Variants in SLC35F6 observed in about 807,000 individuals in gnomAD.
SLC35F6 encodes solute carrier family 35 member F6, also known as ANT2-binding protein.
Under a neutral mutation model 29.4 loss-of-function variants are expected in SLC35F6, and 26 were observed. The observed-to-expected ratio is 0.89, with a 90% CI of 0.65 to 1.23. The LOEUF is 1.23. SLC35F6 is among the 50% of genes most tolerant of loss of function. SLC35F6 has a pLI of 0.00. For synonymous variants in SLC35F6, 174 were observed against 206.6 expected (o/e 0.84, Z 1.35); for missense variants, 428 against 487.8 (o/e 0.88, Z 1.15).
rs774387686 is a variant in SLC35F6 at position 26,775,513 on chromosome 2, G to C, written c.372G>C (p.Val124=). 1.9e-6 allele frequency: 3 copies of C among 1,612,200 alleles called. No individual in the cohort carries two copies. Among genetic ancestry groups the C allele is most frequent in the African/African-American group, 2.7e-5 (2 of 74,884 alleles). ...GCTTCCAGATGCTGCGGGGTGCAGT[G>C]ATCATATTCACTGGCCTGTTCTCGG... The part of the protein sequence containing the change: ...ASSFQMLRGA[V]IIFTGLFSVA... Residue 124 remains valine, a synonymous_variant, in exon 4 of 6, where the codon GTG becomes GTC. Transcript: ENST00000344420. This position sits in a 1 kb window ranked among gnomAD's most constrained non-coding sequence, Gnocchi z 4.6.
At position 26,779,837 on chromosome 2, in the gene SLC35F6, T is replaced by TC. The variant is rs1664376291; in HGVS notation, c.*1327dup. 6.8e-6 allele frequency: 1 copy of TC among 146,518 alleles called. No homozygotes were observed. The highest frequency in any genetic ancestry group is 2.6e-5 in the African/African-American group (1 of 39,158). 9.1% of individuals were successfully genotyped at this position (146,518 alleles called of 1,614,324 possible). On this transcript the variant is annotated 3_prime_UTR_variant, in exon 6 of 6. Transcript: ENST00000344420. Reference sequence around the variant, plus strand: ...AGCCTTTTTTTTTTTTTTTTTTTTTTCTTGAGAGACAGGGTCTTGCTCTGT... The same window carrying TC: ...AGCCTTTTTTTTTTTTTTTTTTTTTTCCTTGAGAGACAGGGTCTTGCTCTGT...
intron 1 of SLC35F6, among the ~76,000 whole-genome samples, chr2:26,772,371 G>A (rs1664213556): frequency 6.6e-6 from 1 of 152,202 alleles, no homozygotes. Flanking sequence ...TTCAAGGAAA[G>A]GCATTTAATA....
chr2:26,774,186 G>T, intron 1 of SLC35F6, 65 bp from the exon 2 acceptor site: 1 of 1,595,988 alleles, frequency 6.3e-7, no homozygotes, highest in South Asian at 1.1e-5. Context: ...TGAGAGGTGT[G>T]AGCCTCTTCA....
At chr2:26,767,922 T>C (rs896394380) in intron 1 of SLC35F6, among the ~76,000 whole-genome samples, 2 of 152,174 alleles carry the variant, frequency 1.3e-5, no homozygotes, top group African/African-American at 2.4e-5. Flanking sequence ...GCTCCCCTCC[T>C]AAGTTCTGCA....
intron 5 of SLC35F6, among the ~76,000 whole-genome samples, chr2:26,776,821 A>G (rs1256806699): frequency 6.6e-6 from 1 of 152,118 alleles, no homozygotes. Context: ...TCGAGCTGCA[A>G]ATTTCAACAG....
intron 1 of SLC35F6, among the ~76,000 whole-genome samples, chr2:26,768,970 T>C (rs1318384172): frequency 2.6e-5 from 4 of 152,140 alleles, no homozygotes; most frequent in Non-Finnish European, 4.4e-5. Context: ...TCCATGGAGA[T>C]GAGAGGGCTC....
At chr2:26,773,503 G>GAAAA (rs70953813) in intron 1 of SLC35F6, among the ~76,000 whole-genome samples, 13 of 106,972 alleles carry the variant, frequency 1.2e-4, no homozygotes, top group African/African-American at 4.0e-4. Flanking sequence ...ACTCCATTAA[G>GAAAA]AAAAAAAAAA....
At position 26,778,673 on chromosome 2, in the gene SLC35F6, A is replaced by C; in HGVS notation, c.*162A>C. 1.5e-6 allele frequency: 1 copy of C among 683,086 alleles called. No individual in the cohort carries two copies. The highest frequency in any genetic ancestry group is 2.4e-6 in the Non-Finnish European group (1 of 418,098). 42.3% of individuals were successfully genotyped at this position (683,086 alleles called of 1,614,324 possible). On this transcript the variant is annotated 3_prime_UTR_variant, in exon 6 of 6. Coordinates refer to ENST00000344420, the MANE Select transcript of SLC35F6 (RefSeq NM_017877.4). ...CTGCCACAGAAGATAACAACACCCA[A>C]GTCCTCTTTTTCTCACTACCACCTG...
At position 26,778,201 on chromosome 2, in the gene SLC35F6, A is replaced by G; in HGVS notation, c.806A>G (p.Asn269Ser). Residue 269 changes from asparagine (N) to serine (S), a missense_variant, in exon 6 of 6, where the codon AAC becomes AGC. Transcript: ENST00000344420. The part of the protein sequence containing the change: ...QPLIAVALLG[N>S]ISSIAFFNFA... ...CTCATTGCCGTGGCACTGCTGGGCAACATCAGCAGCATTGCCTTCTTCAAC... is the reference window on the plus strand; with the variant it reads ...CTCATTGCCGTGGCACTGCTGGGCAGCATCAGCAGCATTGCCTTCTTCAAC... The G allele has an allele frequency of 6.2e-7, 1 of 1,614,192 alleles. No individual in the cohort carries two copies. The highest frequency in any genetic ancestry group is 8.5e-7 in the Non-Finnish European group (1 of 1,180,038).
At chr2:26,769,357 G>T (rs531896642) in intron 1 of SLC35F6, among the ~76,000 whole-genome samples, 1 of 152,330 alleles carries the variant, frequency 6.6e-6, no homozygotes, top group South Asian at 2.1e-4. Flanking sequence ...GACCCTTCGG[G>T]CCTCCTGCCC....
chr2:26,772,312 A>G (rs868125079), intron 1 of SLC35F6, among the ~76,000 whole-genome samples: 2 of 152,188 alleles, frequency 1.3e-5, no homozygotes, highest in Non-Finnish European at 2.9e-5. Flanking sequence ...AGATGAGCCA[A>G]TGGCAGTGCA....
At chr2:26,769,987 A>G (rs1399008117) in intron 1 of SLC35F6, among the ~76,000 whole-genome samples, 1 of 152,202 alleles carries the variant, frequency 6.6e-6, no homozygotes, top group Non-Finnish European at 1.5e-5. Context: ...TTTTCTGAGT[A>G]TAAATTCAAG....
In SLC35F6 at chr2:26,778,444, T is replaced by G. The variant is rs1181080580; in HGVS notation, c.1049T>G (p.Leu350Arg). The G allele has an allele frequency of 4.3e-6, 7 of 1,613,972 alleles. No homozygotes were observed. Among genetic ancestry groups the G allele is most frequent in the Non-Finnish European group, 5.9e-6 (7 of 1,179,974 alleles). ...GGCCGCCTGTCCAGGGGCCGGCCCC[T>G]GGCAGAGGAGAGCGAGCAGGAGAGA... The part of the protein sequence containing the change: ...LLGRLSRGRP[L>R]AEESEQERLL... The change falls in exon 6 of 6, where the codon CTG (leucine) becomes CGG (arginine). Residue 350 changes from leucine to arginine, a missense_variant. By Grantham distance (102) the Leu-to-Arg change is moderately radical. Transcript: ENST00000344420.
chr2:26,777,380 C>T (rs952417745), intron 5 of SLC35F6, among the ~76,000 whole-genome samples: 2 of 152,186 alleles, frequency 1.3e-5, no homozygotes, highest in Non-Finnish European at 2.9e-5. Context: ...ATGAGATTAG[C>T]AAGATACAGC....
At position 26,775,733 on chromosome 2, in the gene SLC35F6, G is replaced by C. The variant is rs976538606; in HGVS notation, c.535+57G>C. On this transcript the variant is annotated intron_variant, in intron 4 of 5. Transcript: ENST00000344420. This position sits in a 1 kb window ranked among gnomAD's most constrained non-coding sequence, Gnocchi z 4.6. ...CTATCCTGCCCTGTCCTCCTTGGGA[G>C]CCCAGCACAGACTCATACAAGCTCT... 2.7e-6 allele frequency: 4 copies of C among 1,486,824 alleles called. No individual in the cohort carries two copies. The highest frequency in any genetic ancestry group is 1.4e-5 in the African/African-American group (1 of 71,970). The allele number at this position is 1,486,824 out of a possible 1,614,324, so 92.1% of individuals were successfully genotyped here.
At chr2:26,764,951 A>G (rs1410929971) in intron 1 of SLC35F6, 6 of 985,346 alleles carry the variant, frequency 6.1e-6, no homozygotes, top group Non-Finnish European at 7.2e-6. Flanking sequence ...AGGAAAGTCT[A>G]CGGAAAGGCC....
At chr2:26,766,075 G>A (rs1228483663) in intron 1 of SLC35F6, among the ~76,000 whole-genome samples, 3 of 152,196 alleles carry the variant, frequency 2.0e-5, no homozygotes, top group Admixed American at 2.0e-4. Context: ...CGCCTTTAAA[G>A]GCTGCCTGAG....
At chr2:26,764,735 G>A (rs1664063516) in intron 1 of SLC35F6, 2 of 952,970 alleles carry the variant, frequency 2.1e-6, no homozygotes, top group Non-Finnish European at 2.5e-6. Flanking sequence ...GTCCAAGCCT[G>A]AGCACCTCCC....
Position 26,779,048 on chromosome 2 carries a change from C to G in SLC35F6, c.*537C>G, listed in dbSNP as rs1284813941. On this transcript the variant is annotated 3_prime_UTR_variant, in exon 6 of 6. Transcript: ENST00000344420. The stretch of plus-strand genomic sequence containing the variant: ...CTCTGCCTCCCAGGTTCAAATGATT[C>G]TCCTGCCTCAGCCTCCCGAGTAGCT... 6.6e-6 allele frequency: 1 copy of G among 152,206 alleles called. No homozygotes were observed. Among genetic ancestry groups the G allele is most frequent in the Non-Finnish European group, 1.5e-5 (1 of 68,420 alleles). 9.4% of individuals were successfully genotyped at this position (152,206 alleles called of 1,614,324 possible).
Sources: gnomAD v4.1 joint callset for allele counts (sites outside exome capture counted in the v4.1 genomes callset) on GRCh38, gnomAD v4.1.1 for gene constraint, Gnocchi (gnomAD v3.1) non-coding constraint, MANE v1.5 for transcripts, NCBI Gene and HGNC (gene_info 2026-07-23, HGNC 2026-07-21) for gene names.